The following PTPRD variants were observed in gnomAD, a reference collection of about 807,000 sequenced individuals.
PTPRD encodes the protein protein tyrosine phosphatase receptor type D, also known as receptor-type tyrosine-protein phosphatase delta.
In PTPRD, 34 loss-of-function variants were observed where a neutral mutation model predicts 214.5. The ratio of observed to expected loss-of-function variants is 0.16; its 90% CI spans 0.12 to 0.21. The LOEUF (loss-of-function observed/expected upper bound fraction) is 0.21, where lower values mean the gene tolerates loss of function less well. Ranked by LOEUF, PTPRD falls within the 10% of genes least tolerant of loss-of-function variation. PTPRD has a pLI of 1.00. For synonymous variants in PTPRD, 1,128 were observed against 845.7 expected (o/e 1.33, Z -5.79); for missense variants, 2,545 against 2,398.7 (o/e 1.06, Z -1.27).
intron 5 of PTPRD, among the ~76,000 whole-genome samples, chr9:9,873,904 A>G (rs1199019281): frequency 1.3e-5 from 2 of 152,148 alleles, no homozygotes; most frequent in African/African-American, 2.4e-5. Flanking sequence ...TATACTTACT[A>G]AAGTAAAACA....
intron 2 of PTPRD, among the ~76,000 whole-genome samples, chr9:10,392,643 G>C (rs1292361664): frequency 6.6e-6 from 1 of 151,856 alleles, no homozygotes; most frequent in Non-Finnish European, 1.5e-5. Context: ...CCCTTATAGA[G>C]TTAGAGCATG....
chr9:9,012,746 A>G (rs2099516900), intron 11 of PTPRD, among the ~76,000 whole-genome samples: 1 of 152,158 alleles, frequency 6.6e-6, no homozygotes. Flanking sequence ...TCTGCCATCC[A>G]GGATAAGAAA....
chr9:9,093,497 AAC>A (rs1194249738), intron 10 of PTPRD, among the ~76,000 whole-genome samples: 1 of 152,028 alleles, frequency 6.6e-6, no homozygotes, highest in African/African-American at 2.4e-5. Context: ...TTCTGGTTAT[AAC>A]ATATTCAAGC....
chr9:8,337,439 G>A (rs1042173215), intron 43 of PTPRD, among the ~76,000 whole-genome samples: 62 of 151,328 alleles, frequency 4.1e-4, no homozygotes, highest in African/African-American at 1.5e-3. Flanking sequence ...ATCACACACT[G>A]GGGCCTGTTG....
At chr9:9,997,637 T>C (rs568416509) in intron 4 of PTPRD, among the ~76,000 whole-genome samples, 10 of 152,118 alleles carry the variant, frequency 6.6e-5, no homozygotes, top group Non-Finnish European at 1.0e-4. Context: ...TTTAGGCAGA[T>C]AGAGAGAGTA....
chr9:8,825,153 T>C (rs2097150514), intron 11 of PTPRD, among the ~76,000 whole-genome samples: 2 of 152,212 alleles, frequency 1.3e-5, no homozygotes, highest in South Asian at 2.1e-4. Context: ...AGATAACTTG[T>C]GGTTTCTGGA....
At chr9:10,407,412 A>T (rs748911554) in intron 2 of PTPRD, among the ~76,000 whole-genome samples, 2 of 151,496 alleles carry the variant, frequency 1.3e-5, no homozygotes, top group Non-Finnish European at 1.5e-5. Context: ...TTTATTATAA[A>T]CTTCCATGTA....
intron 35 of PTPRD, among the ~76,000 whole-genome samples, chr9:8,426,008 T>A (rs1233896496): frequency 6.6e-6 from 1 of 152,188 alleles, no homozygotes; most frequent in Non-Finnish European, 1.5e-5. Context: ...CTTCCCCTAA[T>A]TGCTTTCATA....
At chr9:8,688,891 T>C (rs1300768077) in intron 12 of PTPRD, among the ~76,000 whole-genome samples, 6 of 152,208 alleles carry the variant, frequency 3.9e-5, no homozygotes, top group Admixed American at 2.6e-4. Flanking sequence ...CCTATGACTT[T>C]ATCACTCTAA....
At position 9,864,188 on chromosome 9, in the gene PTPRD, C is replaced by G. The variant is rs532162963; in HGVS notation, c.-368+74319G>C. Among the ~76,000 whole-genome samples the G allele has an allele frequency of 1.5e-4, 23 of 152,240 alleles. No homozygotes were observed. In the East Asian group the frequency reaches 3.7e-3, roughly 24 times the overall value. ...GGGTGTGGTGGCGGGTGCCCGCAGTCCCAGCTACTTGGGAAGCTGAGGCAG... is the reference window on the plus strand; with the variant it reads ...GGGTGTGGTGGCGGGTGCCCGCAGTGCCAGCTACTTGGGAAGCTGAGGCAG... On this transcript the variant is annotated intron_variant, in intron 5 of 45. Transcript: ENST00000381196.
chr9:8,941,024 G>A (rs935303543), intron 11 of PTPRD, among the ~76,000 whole-genome samples: 1 of 152,000 alleles, frequency 6.6e-6, no homozygotes, highest in Non-Finnish European at 1.5e-5. Flanking sequence ...ACATTATCAT[G>A]GCACAGCAGT....
chr9:8,431,447 T>C (rs1380199690), intron 35 of PTPRD, among the ~76,000 whole-genome samples: 6 of 152,192 alleles, frequency 3.9e-5, no homozygotes, highest in African/African-American at 1.4e-4. Context: ...CTTGGCCCTA[T>C]AATACATCAA....
chr9:9,779,413 G>A (rs544654559), intron 5 of PTPRD, among the ~76,000 whole-genome samples: 2 of 152,138 alleles, frequency 1.3e-5, no homozygotes, highest in East Asian at 3.9e-4. Flanking sequence ...AGAATAAACA[G>A]ACAACATGCA....
intron 9 of PTPRD, among the ~76,000 whole-genome samples, chr9:9,236,732 T>C (rs1569565172): frequency 6.6e-6 from 1 of 151,858 alleles, no homozygotes; most frequent in Non-Finnish European, 1.5e-5. Context: ...ACTCCGTCTA[T>C]TGGGGCATTT....
At chr9:10,095,265 A>G (rs533121985) in intron 3 of PTPRD, among the ~76,000 whole-genome samples, 1 of 151,610 alleles carries the variant, frequency 6.6e-6, no homozygotes, top group African/African-American at 2.4e-5. Context: ...TTAAATATAA[A>G]TAAGATAAAA....
Position 9,479,222 on chromosome 9 carries a change from C to G in PTPRD, c.-236-81740G>C, listed in dbSNP as rs4609250. Among the ~76,000 whole-genome samples the G allele has an allele frequency of 1.9e-4, 18 of 93,528 alleles. 2 individuals are homozygous for G. Among genetic ancestry groups the G allele is most frequent in the African/African-American group, 7.0e-4 (17 of 24,198 alleles). 61.4% of individuals were successfully genotyped at this position (93,528 alleles called of 152,430 possible). A position where few individuals can be genotyped will look rare whatever the true frequency, so the allele number is the denominator to read the frequency against. ...ACATACATACACACACACGCCCCCC[C>G]CCCCCCCACACACACACCCACCTCT... On this transcript the variant is annotated intron_variant, in intron 8 of 45. Transcript: ENST00000381196.
At chr9:8,820,335 A>C (rs1426224002) in intron 11 of PTPRD, among the ~76,000 whole-genome samples, 1 of 152,242 alleles carries the variant, frequency 6.6e-6, no homozygotes, top group Middle Eastern at 3.4e-3. Flanking sequence ...CTAGCTCCAT[A>C]AGCCATCTTT....
At chr9:9,948,851 A>C (rs573118566) in intron 4 of PTPRD, among the ~76,000 whole-genome samples, 81 of 152,230 alleles carry the variant, frequency 5.3e-4, no homozygotes, top group African/African-American at 1.9e-3. Flanking sequence ...ATTTTATGAC[A>C]ATAAAAAGAT....
intron 37 of PTPRD, among the ~76,000 whole-genome samples, chr9:8,385,203 T>A (rs769071425): frequency 1.3e-5 from 2 of 152,156 alleles, no homozygotes; most frequent in African/African-American, 2.4e-5. Flanking sequence ...CAAGCGCTGT[T>A]GATAAACCTC....
Sources: gnomAD v4.1 joint callset for allele counts (sites outside exome capture counted in the v4.1 genomes callset) on GRCh38, gnomAD v4.1.1 for gene constraint, MANE v1.5 for transcripts, NCBI Gene and HGNC (gene_info 2026-07-23, HGNC 2026-07-21) for gene names.